ROBO2: variants seen among roughly 807,000 people sequenced by gnomAD.
The protein encoded by ROBO2 is roundabout homolog 2.
A neutral mutation model predicts 160.8 loss-of-function variants in ROBO2; 53 were observed. The ratio of observed to expected loss-of-function variants is 0.33; its 90% CI spans 0.26 to 0.41. The LOEUF is 0.41. Among genes scored for constraint, ROBO2 ranks in the 10% least tolerant of loss-of-function variants. The pLI, the probability that ROBO2 is intolerant of heterozygous loss-of-function variation, is 1.00. For synonymous variants in ROBO2, 664 were observed against 611.7 expected, an observed-to-expected ratio of 1.09 and a Z score of -1.26; for missense variants, 1,577 against 1,722.4, an observed-to-expected ratio of 0.92 and a Z score of 1.49.
intron 5 of ROBO2, among the ~76,000 whole-genome samples, chr3:77,509,598 A>C (rs2089097926): frequency 6.6e-6 from 1 of 152,120 alleles, no homozygotes; most frequent in African/African-American, 2.4e-5. Context: ...GAACAAACTT[A>C]GAGTTCAAAG....
intron 2 of ROBO2, among the ~76,000 whole-genome samples, chr3:76,767,002 G>C (rs2061608757): frequency 6.6e-6 from 1 of 151,426 alleles, no homozygotes; most frequent in African/African-American, 2.4e-5. Flanking sequence ...AGTTCACAAG[G>C]AGATTAATAC....
intron 2 of ROBO2, among the ~76,000 whole-genome samples, chr3:77,223,348 C>T (rs7616931): frequency 0.53 from 79,789 of 151,838 alleles, 21,441 homozygotes; most frequent in East Asian, 0.79. Flanking sequence ...TTACATTTAA[C>T]GGATATTGAA....
intron 2 of ROBO2, among the ~76,000 whole-genome samples, chr3:76,973,299 C>G (rs1451676200): frequency 6.6e-6 from 1 of 152,144 alleles, no homozygotes. Flanking sequence ...TTCAGTAGTC[C>G]ACTGAAAATT....
intron 1 of ROBO2, among the ~76,000 whole-genome samples, chr3:77,090,174 TAG>T (rs1380683443): frequency 6.6e-6 from 1 of 152,074 alleles, no homozygotes; most frequent in Non-Finnish European, 1.5e-5. Flanking sequence ...AATGGGATTA[TAG>T]AGTTTTATGG....
chr3:76,907,590 C>G (rs2075689087), intron 2 of ROBO2, among the ~76,000 whole-genome samples: 2 of 152,022 alleles, frequency 1.3e-5, no homozygotes, highest in Admixed American at 1.3e-4. Flanking sequence ...GCAGTAGGGA[C>G]AAAATAAAAC....
intron 2 of ROBO2, among the ~76,000 whole-genome samples, chr3:77,453,678 T>C (rs2081335917): frequency 6.6e-6 from 1 of 152,136 alleles, no homozygotes; most frequent in Admixed American, 6.5e-5. Context: ...CTCTGAGAAG[T>C]ATTAAATGTT....
intron 2 of ROBO2, among the ~76,000 whole-genome samples, chr3:76,346,254 T>A (rs1324166133): frequency 6.6e-6 from 1 of 152,006 alleles, no homozygotes; most frequent in Non-Finnish European, 1.5e-5. Flanking sequence ...AGAGAATTTT[T>A]TTTTTTTTTT....
At chr3:76,066,620 A>C (rs1331013962) in intron 2 of ROBO2, among the ~76,000 whole-genome samples, 1 of 151,960 alleles carries the variant, frequency 6.6e-6, no homozygotes, top group East Asian at 1.9e-4. Flanking sequence ...GAATAGAGAA[A>C]TATGATGTAG....
intron 2 of ROBO2, among the ~76,000 whole-genome samples, chr3:76,390,605 T>A (rs1233679545): frequency 6.6e-6 from 1 of 152,228 alleles, no homozygotes; most frequent in Non-Finnish European, 1.5e-5. Flanking sequence ...TAGTTGGACC[T>A]GTACACTTAA....
intron 5 of ROBO2, among the ~76,000 whole-genome samples, chr3:77,503,382 A>G (rs887298341): frequency 3.1e-4 from 47 of 151,310 alleles, no homozygotes; most frequent in Admixed American, 4.6e-4. Flanking sequence ...AAAATTAGCC[A>G]GGCGTGGTGG....
At chr3:77,481,113 A>G in exon 4 of ROBO2, 1 of 1,612,382 alleles carries the variant, frequency 6.2e-7, no homozygotes, top group East Asian at 2.2e-5. Context: ...GTGGTGGAAA[A>G]CTGATGATCT....
At chr3:76,802,944 G>A (rs2064340434) in intron 2 of ROBO2, among the ~76,000 whole-genome samples, 1 of 152,078 alleles carries the variant, frequency 6.6e-6, no homozygotes, top group South Asian at 2.1e-4. Flanking sequence ...TATGATTTAT[G>A]GAAGGCTATC....
chr3:76,855,382 T>C (rs2069939500), intron 2 of ROBO2, among the ~76,000 whole-genome samples: 1 of 152,198 alleles, frequency 6.6e-6, no homozygotes, highest in Non-Finnish European at 1.5e-5. Context: ...AACGAGGTGA[T>C]AGATGTTTGA....
At chr3:77,360,259 C>CT (rs1400342656) in intron 2 of ROBO2, among the ~76,000 whole-genome samples, 20 of 151,062 alleles carry the variant, frequency 1.3e-4, no homozygotes, top group Non-Finnish European at 2.4e-4. Flanking sequence ...GCAACCCCCC[C>CT]CCCAAATTTA....
At chr3:76,403,004 ACT>A (rs756929960) in intron 2 of ROBO2, among the ~76,000 whole-genome samples, 9 of 151,522 alleles carry the variant, frequency 5.9e-5, no homozygotes, top group Non-Finnish European at 8.9e-5. Flanking sequence ...AATTTTGGAG[ACT>A]CTGACAGAAA....
intron 2 of ROBO2, among the ~76,000 whole-genome samples, chr3:76,859,605 G>A (rs1199175460): frequency 6.6e-6 from 1 of 152,064 alleles, no homozygotes; most frequent in African/African-American, 2.4e-5. Flanking sequence ...CATCTCTCAG[G>A]AGAGCCCCAC....
chr3:77,454,270 C>T (rs181417151), intron 2 of ROBO2, among the ~76,000 whole-genome samples: 48 of 152,122 alleles, frequency 3.2e-4, no homozygotes, highest in Admixed American at 2.9e-3. Context: ...AAAAGATAAG[C>T]GTTCAATTTG....
intron 2 of ROBO2, among the ~76,000 whole-genome samples, chr3:77,300,867 T>C (rs2062594902): frequency 6.6e-6 from 1 of 150,758 alleles, no homozygotes; most frequent in Admixed American, 6.6e-5. Flanking sequence ...TTTATTTATT[T>C]ATTTATTTAT....
At chr3:76,910,552 C>A (rs1417921888) in intron 2 of ROBO2, among the ~76,000 whole-genome samples, 1 of 151,358 alleles carries the variant, frequency 6.6e-6, no homozygotes, top group African/African-American at 2.4e-5. Context: ...ATGGTGAAAC[C>A]CCGTCTCTGC....
Sources: allele counts gnomAD v4.1 joint callset (sites outside exome capture counted in the v4.1 genomes callset), GRCh38; gene constraint gnomAD v4.1.1; transcripts MANE v1.5; gene names NCBI Gene and HGNC (gene_info 2026-07-23, HGNC 2026-07-21).